The following SLC15A5 variants were observed in gnomAD, a reference collection of about 807,000 sequenced individuals.
SLC15A5 encodes the protein Peptide/histidine transporter ENSP00000340402.
In SLC15A5, 58 loss-of-function variants were observed where a neutral mutation model predicts 56.1. The observed-to-expected ratio is 1.03, with a 90% CI of 0.84 to 1.29. The LOEUF is 1.29. Among genes scored for constraint, SLC15A5 ranks in the 50% most tolerant of loss-of-function variants. SLC15A5 has a pLI of 0.00. For synonymous variants in SLC15A5, 264 were observed against 250.5 expected (o/e 1.05, Z -0.51); for missense variants, 681 against 672.1 (o/e 1.01, Z -0.15).
At position 16,227,934 on chromosome 12, in the gene SLC15A5, A is replaced by G. The variant is rs546791228; in HGVS notation, c.1163-3332T>C. Among the ~76,000 whole-genome samples the G allele has an allele frequency of 2.0e-5, 3 of 152,334 alleles. No individual in the cohort carries two copies. The East Asian group carries it at 5.8e-4, about 29-fold the overall frequency. On this transcript the variant is annotated intron_variant, in intron 5 of 8. Transcript: ENST00000344941. ...ATCAGGGCTTCCACTTCTGGAAAAT[A>G]TAAGGAAGGTAGAAACATAAAATGC...
intron 7 of SLC15A5, among the ~76,000 whole-genome samples, chr12:16,215,221 AAAAAAAAAC>A (rs1864119557): frequency 6.9e-6 from 1 of 145,720 alleles, no homozygotes; most frequent in African/African-American, 2.5e-5. Flanking sequence ...AAAAAAAAAA[AAAAAAAAAC>A]CAAAGTGAGG....
Position 16,194,368 on chromosome 12 carries a change from C to G in SLC15A5, c.1569G>C (p.Leu523=). ...FLASLTLLNV[L]GFCSVSQRYC... is the part of the protein sequence containing the mutation. ...ACCTTTGTGAAACACTGCAGAATCC[C>G]AGGACGTTCAACAATGTTAATGATG... Residue 523 remains leucine (L), a synonymous_variant, in exon 8 of 9, where the codon CTG becomes CTC. Transcript: ENST00000344941. 6.5e-7 allele frequency: 1 copy of G among 1,534,260 alleles called. No homozygotes were observed. Among genetic ancestry groups the G allele is most frequent in the South Asian group, 1.2e-5 (1 of 83,774 alleles).
Position 16,189,605 on chromosome 12 carries a change from G to A in SLC15A5, c.*63C>T. 2 of 1,324,352 alleles carry A rather than the reference G, an allele frequency of 1.5e-6. No homozygotes were observed. Among genetic ancestry groups the A allele is most frequent in the Non-Finnish European group, 1.9e-6 (2 of 1,028,456 alleles). 82.0% of individuals were successfully genotyped at this position (1,324,352 alleles called of 1,614,324 possible). On this transcript the variant is annotated 3_prime_UTR_variant, in exon 9 of 9. Transcript: ENST00000344941. ...GCTTTTACACTAAAACACATAAAAT[G>A]CTCAACTGAAGAAGAAAACAATGAA...
intron 3 of SLC15A5, among the ~76,000 whole-genome samples, chr12:16,255,618 C>T (rs1864563430): frequency 6.6e-6 from 1 of 151,338 alleles, no homozygotes; most frequent in Non-Finnish European, 1.5e-5. Context: ...GATACACTGG[C>T]AAAAAAGAAA....
At chr12:16,268,793 T>C (rs968563663) in intron 2 of SLC15A5, among the ~76,000 whole-genome samples, 2 of 152,184 alleles carry the variant, frequency 1.3e-5, no homozygotes, top group African/African-American at 4.8e-5. Flanking sequence ...TTTCAAACTT[T>C]GTTCTTCTGA....
chr12:16,231,787 A>G (rs776910597), intron 5 of SLC15A5, among the ~76,000 whole-genome samples: 6 of 152,238 alleles, frequency 3.9e-5, no homozygotes, highest in Admixed American at 6.5e-5. Flanking sequence ...ATTTTGAATG[A>G]TGAGACATCC....
chr12:16,270,479 C>G (rs1319676899), intron 2 of SLC15A5, among the ~76,000 whole-genome samples: 2 of 152,070 alleles, frequency 1.3e-5, no homozygotes, highest in South Asian at 4.2e-4. Flanking sequence ...CAAAGATGAC[C>G]TCCTCCTAAA....
rs1207961435 is a variant in SLC15A5, at chr12:16,189,782, G to A, written c.1626C>T (p.Asn542=). 1.3e-6 allele frequency: 2 copies of A among 1,519,204 alleles called. No homozygotes were observed. The highest frequency in any genetic ancestry group is 1.2e-5 in the South Asian group (1 of 80,346). 94.1% of individuals were successfully genotyped at this position (1,519,204 alleles called of 1,614,324 possible). A position where few individuals can be genotyped will look rare whatever the true frequency, so the allele number is the denominator to read the frequency against. ...YCNLNHFNAQ[N]IRGSNLEETL... Reference sequence around the variant, plus strand: ...TTTCTTCAAGATTACTTCCACGGATGTTCTGGGCATTAAAATGATTTAGAT... The same window carrying A: ...TTTCTTCAAGATTACTTCCACGGATATTCTGGGCATTAAAATGATTTAGAT... Residue 542 remains asparagine, a synonymous_variant, in exon 9 of 9, where the codon AAC becomes AAT. Transcript: ENST00000344941.
At chr12:16,265,921 C>T (rs1864690538) in intron 2 of SLC15A5, among the ~76,000 whole-genome samples, 1 of 152,094 alleles carries the variant, frequency 6.6e-6, no homozygotes, top group Admixed American at 6.6e-5. Context: ...AGACCTAGCA[C>T]AGTACTAGGT....
Position 16,277,129 on chromosome 12 carries a change from A to AACACACACACAC in SLC15A5, c.361+184_361+195dup, listed in dbSNP as rs59004314. Among the ~76,000 whole-genome samples the AACACACACACAC allele has an allele frequency of 1.4e-3, 203 of 150,278 alleles. 1 individual carries two copies. In the East Asian group the frequency reaches 0.014, roughly 10 times the overall value. ...ATGATATAGGCACAAAACATTCTCT[A>AACACACACACAC]ACACACACACACACACACACAGACT... On this transcript the variant is annotated intron_variant, in intron 1 of 8. Coordinates refer to ENST00000344941, the MANE Select transcript of SLC15A5 (RefSeq NM_001170798.1).
rs1183051114 is a variant in SLC15A5, at chr12:16,235,959, A to G, written c.1162+3722T>C. Among the ~76,000 whole-genome samples, 2 of 152,122 alleles carry G rather than the reference A, an allele frequency of 1.3e-5. No individual in the cohort carries two copies. The highest frequency in any genetic ancestry group is 4.8e-5 in the African/African-American group (2 of 41,452). ...ATAAAAGACTTTTAGCTGGAACTTGAATTTTCATGTTTTTATTTTAAAGAA... is the reference window on the plus strand; with the variant it reads ...ATAAAAGACTTTTAGCTGGAACTTGGATTTTCATGTTTTTATTTTAAAGAA... On this transcript the variant is annotated intron_variant, in intron 5 of 8. Transcript: ENST00000344941. This position sits in a 1 kb window ranked among gnomAD's most constrained non-coding sequence, Gnocchi z 4.1.
At chr12:16,226,613 A>G (rs186602498) in intron 5 of SLC15A5, among the ~76,000 whole-genome samples, 155 of 152,318 alleles carry the variant, frequency 1.0e-3, no homozygotes, top group Middle Eastern at 3.4e-3. Context: ...TAAAACAGCT[A>G]TTAGAGAAGG....
intron 7 of SLC15A5, among the ~76,000 whole-genome samples, chr12:16,202,009 A>G (rs1863962725): frequency 1.3e-5 from 2 of 152,200 alleles, no homozygotes; most frequent in Non-Finnish European, 1.5e-5. Context: ...TAAAACTACT[A>G]GAACAGGGGA....
intron 8 of SLC15A5, among the ~76,000 whole-genome samples, chr12:16,193,390 C>CCAAT (rs1863857378): frequency 6.6e-6 from 1 of 151,860 alleles, no homozygotes; most frequent in Non-Finnish European, 1.5e-5. Flanking sequence ...GACCATAAGC[C>CCAAT]CAATGAGAGC....
intron 3 of SLC15A5, among the ~76,000 whole-genome samples, chr12:16,253,109 C>T (rs1864536006): frequency 6.6e-6 from 1 of 152,020 alleles, no homozygotes; most frequent in Non-Finnish European, 1.5e-5. Flanking sequence ...GAAGTTGGAT[C>T]CTTGCTTTAG....
intron 6 of SLC15A5, among the ~76,000 whole-genome samples, chr12:16,224,151 A>G (rs1197487879): frequency 6.6e-6 from 1 of 152,182 alleles, no homozygotes; most frequent in African/African-American, 2.4e-5. Context: ...TGTCTGACAA[A>G]ATGGTTATTG....
chr12:16,273,169 A>G (rs565626119), intron 1 of SLC15A5, among the ~76,000 whole-genome samples: 3 of 152,244 alleles, frequency 2.0e-5, no homozygotes, highest in East Asian at 3.9e-4. Context: ...TTTGTTCTTA[A>G]TCAATCGAGT....
chr12:16,234,548 T>C (rs975121319), intron 5 of SLC15A5, among the ~76,000 whole-genome samples: 1 of 152,168 alleles, frequency 6.6e-6, no homozygotes, highest in African/African-American at 2.4e-5. Flanking sequence ...GAGTGCAGTT[T>C]ATCAGAATGT....
At chr12:16,228,697 C>T (rs752657226) in intron 5 of SLC15A5, among the ~76,000 whole-genome samples, 13 of 152,164 alleles carry the variant, frequency 8.5e-5, no homozygotes, top group Non-Finnish European at 1.9e-4. Context: ...AAGTTAAAGA[C>T]CTCTGTGATG....
Sources: gnomAD v4.1 joint callset for allele counts (sites outside exome capture counted in the v4.1 genomes callset) on GRCh38, gnomAD v4.1.1 for gene constraint, Gnocchi (gnomAD v3.1) non-coding constraint, MANE v1.5 for transcripts, NCBI Gene and HGNC (gene_info 2026-07-23, HGNC 2026-07-21) for gene names.